The following HNRNPC variants were observed in gnomAD, a reference collection of about 807,000 sequenced individuals.
The protein encoded by HNRNPC is heterogeneous nuclear ribonucleoproteins C1/C2.
Under a neutral mutation model 33.2 loss-of-function variants are expected in HNRNPC, and 3 were observed. The ratio of observed to expected loss-of-function variants is 0.09; its 90% CI spans 0.04 to 0.23. HNRNPC has a LOEUF of 0.23. Among genes scored for constraint, HNRNPC ranks in the 10% least tolerant of loss-of-function variants. The probability of loss-of-function intolerance (pLI) is 1.00; values close to 1 mark genes in which losing one functional copy is unlikely to be tolerated. For synonymous variants in HNRNPC, 121 were observed against 126.7 expected, an observed-to-expected ratio of 0.96 and a Z score of 0.30; for missense variants, 143 against 366.7, an observed-to-expected ratio of 0.39 and a Z score of 4.98.
Position 21,211,305 on chromosome 14 carries a change from A to G in HNRNPC, c.800T>C (p.Leu267Pro). 6.2e-7 allele frequency: 1 copy of G among 1,614,100 alleles called. No individual in the cohort carries two copies. Among genetic ancestry groups the G allele is most frequent in the Admixed American group, 1.7e-5 (1 of 60,010 alleles). Reference protein sequence around the residue: ...DDNEDRGDDQLELIKDDEKEA... With the variant: ...DDNEDRGDDQPELIKDDEKEA... ...TTTTTCATCATCCTTGATCAACTCC[A>G]GCTGTGAGAAACAGACACAAACAGG... The change falls in exon 9 of 9, where the codon CTG becomes CCG. Residue 267 changes from leucine to proline, a missense_variant and splice_region_variant. This residue lies in a region of HNRNPC where 131 missense variants were observed against 253.0 expected (regional missense o/e 0.52). Coordinates refer to ENST00000553300, the MANE Select transcript of HNRNPC (RefSeq NM_004500.4).
At chr14:21,227,543 A>G (rs539886820) in intron 5 of HNRNPC, among the ~76,000 whole-genome samples, 1 of 152,366 alleles carries the variant, frequency 6.6e-6, no homozygotes, top group East Asian at 1.9e-4. Context: ...TTACCGTTCA[A>G]AGAAATGTCA....
intron 2 of HNRNPC, among the ~76,000 whole-genome samples, chr14:21,248,092 A>T (rs1322086447): frequency 6.6e-6 from 1 of 152,114 alleles, no homozygotes; most frequent in African/African-American, 2.4e-5. Flanking sequence ...TAAACAAAAA[A>T]CTTTTGGAGG....
At chr14:21,242,778 G>A (rs994668834) in intron 2 of HNRNPC, among the ~76,000 whole-genome samples, 12 of 152,128 alleles carry the variant, frequency 7.9e-5, no homozygotes, top group African/African-American at 1.9e-4. Context: ...TATCACCTAC[G>A]CATTATTCTC....
At chr14:21,257,593 T>C (rs1877452472) in intron 2 of HNRNPC, among the ~76,000 whole-genome samples, 1 of 152,150 alleles carries the variant, frequency 6.6e-6, no homozygotes, top group Non-Finnish European at 1.5e-5. Context: ...CTTTTGTTTT[T>C]TTACTTTAAG....
intron 2 of HNRNPC, among the ~76,000 whole-genome samples, chr14:21,243,110 T>TG (rs949250268): frequency 2.6e-5 from 4 of 151,528 alleles, no homozygotes; most frequent in East Asian, 1.9e-4. Context: ...AAAGGAGAGG[T>TG]GGGGGGGTGG....
intron 2 of HNRNPC, among the ~76,000 whole-genome samples, chr14:21,240,153 A>G (rs1414397230): frequency 1.3e-5 from 2 of 152,332 alleles, no homozygotes; most frequent in East Asian, 3.9e-4. Context: ...AAGCGATACA[A>G]GATTTTAATA....
At chr14:21,235,672 T>C (rs1894624234) in intron 2 of HNRNPC, among the ~76,000 whole-genome samples, 1 of 152,130 alleles carries the variant, frequency 6.6e-6, no homozygotes, top group Non-Finnish European at 1.5e-5. Context: ...TGCCAGAAAG[T>C]CTGAGGACAC....
At chr14:21,230,818 CAT>C (rs978260449) in intron 4 of HNRNPC, 177 bp downstream of exon 4, 1 of 621,306 alleles carries the variant, frequency 1.6e-6, no homozygotes, top group Non-Finnish European at 2.7e-6. Flanking sequence ...AAAAAAGAGA[CAT>C]ATTAACACAA....
chr14:21,255,748 T>C (rs17102889), intron 2 of HNRNPC, among the ~76,000 whole-genome samples: 2,452 of 152,342 alleles, frequency 0.016, 33 homozygotes, highest in Middle Eastern at 0.078. Flanking sequence ...TCAATGTTAA[T>C]TGTTTGGCAT....
intron 2 of HNRNPC, among the ~76,000 whole-genome samples, chr14:21,242,938 A>C (rs1044997815): frequency 3.3e-5 from 5 of 152,198 alleles, no homozygotes; most frequent in Admixed American, 6.5e-5. Context: ...CGGCATGGCC[A>C]ATGTGGTGAA....
At chr14:21,269,046 A>T (rs376818456) in intron 1 of HNRNPC, among the ~76,000 whole-genome samples, 4 of 152,286 alleles carry the variant, frequency 2.6e-5, no homozygotes, top group African/African-American at 9.6e-5. Flanking sequence ...AAAGGAAAGC[A>T]GCCGTTAACA....
intron 2 of HNRNPC, among the ~76,000 whole-genome samples, chr14:21,248,379 G>C (rs1896233957): frequency 6.6e-6 from 1 of 152,120 alleles, no homozygotes; most frequent in Non-Finnish European, 1.5e-5. Context: ...ACTTGCTAGT[G>C]GCATGCACTT....
At chr14:21,254,689 TGAGGTCGC>T (rs1297006494) in intron 2 of HNRNPC, 1 of 152,170 alleles carries the variant, frequency 6.6e-6, no homozygotes, top group African/African-American at 2.4e-5. Flanking sequence ...GCGGATTGCC[TGAGGTCGC>T]GAGTTCGAGA....
At chr14:21,257,816 C>A (rs1317403773) in intron 2 of HNRNPC, among the ~76,000 whole-genome samples, 1 of 152,164 alleles carries the variant, frequency 6.6e-6, no homozygotes, top group Non-Finnish European at 1.5e-5. Context: ...CAACTTCAGC[C>A]TCCCAAAGTG....
At chr14:21,216,602 C>T (rs533780824) in intron 5 of HNRNPC, among the ~76,000 whole-genome samples, 1 of 152,034 alleles carries the variant, frequency 6.6e-6, no homozygotes, top group Admixed American at 6.6e-5. Flanking sequence ...TCAGGTACTC[C>T]GGGGGCTGAG....
chr14:21,230,859 TA>T (rs1953975421), intron 4 of HNRNPC, 137 bp downstream of exon 4: 2 of 925,282 alleles, frequency 2.2e-6, no homozygotes, highest in Admixed American at 2.3e-5. Context: ...TATACACAGA[TA>T]AAACACAGTA....
intron 2 of HNRNPC, among the ~76,000 whole-genome samples, chr14:21,253,961 AG>A (rs201578897): frequency 0.025 from 3,813 of 151,092 alleles, 153 homozygotes; most frequent in African/African-American, 0.088. Context: ...CCAGCTACTC[AG>A]GAGGCTGAGG....
At chr14:21,243,318 G>A (rs1401164692) in intron 2 of HNRNPC, among the ~76,000 whole-genome samples, 1 of 152,138 alleles carries the variant, frequency 6.6e-6, no homozygotes, top group Admixed American at 6.6e-5. Context: ...CATGTTTGCT[G>A]AAGTATCATG....
intron 1 of HNRNPC, chr14:21,268,773 T>C (rs748430265): frequency 2.0e-5 from 3 of 152,214 alleles, no homozygotes; most frequent in Admixed American, 6.5e-5. Context: ...CATTTGCTCA[T>C]AGAGAGAAAT....
Sources: allele counts gnomAD v4.1 joint callset (sites outside exome capture counted in the v4.1 genomes callset), GRCh38; gene constraint gnomAD v4.1.1; regional missense constraint gnomAD v4.1.1; transcripts MANE v1.5; gene names NCBI Gene and HGNC (gene_info 2026-07-23, HGNC 2026-07-21).